The following PARN variants were observed in gnomAD, a reference collection of about 807,000 sequenced individuals.
PARN encodes the protein poly(A)-specific ribonuclease PARN.
A neutral mutation model predicts 102.8 loss-of-function variants in PARN; 71 were observed. The observed-to-expected ratio is 0.69, with a 90% CI of 0.57 to 0.84. The LOEUF (loss-of-function observed/expected upper bound fraction) is 0.84. PARN is among the 40% of genes least tolerant of loss of function. PARN has a pLI of 0.00. For missense variants in PARN, 782 were observed against 760.9 expected (o/e 1.03, Z -0.33); for synonymous variants, 261 against 252.9 (o/e 1.03, Z -0.30).
chr16:14,445,879 T>G (rs1446083946), intron 23 of PARN, among the ~76,000 whole-genome samples: 1 of 152,352 alleles, frequency 6.6e-6, no homozygotes, highest in East Asian at 1.9e-4. Flanking sequence ...AGCTTTCTTG[T>G]AGGACAGACT....
intron 18 of PARN, among the ~76,000 whole-genome samples, chr16:14,559,915 T>C (rs1967947865): frequency 6.6e-6 from 1 of 152,180 alleles, no homozygotes; most frequent in African/African-American, 2.4e-5. Context: ...AAACTGACTC[T>C]AAAACTGTGG....
chr16:14,593,402 A>G, intron 12 of PARN, 24 bp from the exon 13 acceptor site: 1 of 1,295,882 alleles, frequency 7.7e-7, no homozygotes, highest in Non-Finnish European at 1.1e-6. Flanking sequence ...AGGTTAGAAA[A>G]AAGACTTCTA....
intron 21 of PARN, among the ~76,000 whole-genome samples, chr16:14,495,264 A>T (rs1275073277): frequency 6.6e-6 from 1 of 152,070 alleles, no homozygotes; most frequent in Non-Finnish European, 1.5e-5. Flanking sequence ...AGGCGAGAGG[A>T]TCACTCGAGT....
At chr16:14,447,493 A>G (rs1057382672) in intron 22 of PARN, among the ~76,000 whole-genome samples, 1 of 152,250 alleles carries the variant, frequency 6.6e-6, no homozygotes, top group African/African-American at 2.4e-5. Context: ...CCTAATGCAT[A>G]AAGAGCAGAA....
chr16:14,613,903 T>C (rs1011650286), intron 6 of PARN, among the ~76,000 whole-genome samples: 3 of 151,882 alleles, frequency 2.0e-5, no homozygotes, highest in African/African-American at 7.3e-5. Context: ...ATTGCTGAAA[T>C]AGGTACCAGA....
At chr16:14,531,916 A>AAG (rs1555493471) in intron 21 of PARN, among the ~76,000 whole-genome samples, 32 of 148,000 alleles carry the variant, frequency 2.2e-4, no homozygotes, top group Non-Finnish European at 2.6e-4. Flanking sequence ...AAAAAAAAAA[A>AAG]GGCAGGCATG....
At chr16:14,569,236 A>G (rs1968634942) in intron 18 of PARN, among the ~76,000 whole-genome samples, 1 of 152,166 alleles carries the variant, frequency 6.6e-6, no homozygotes, top group Non-Finnish European at 1.5e-5. Context: ...TAAAAAAAAA[A>G]AAGAATTTAA....
At chr16:14,578,360 A>T (rs1403845995) in intron 18 of PARN, among the ~76,000 whole-genome samples, 8 of 149,862 alleles carry the variant, frequency 5.3e-5, no homozygotes, top group Non-Finnish European at 1.2e-4. Context: ...AAAGAGGAAT[A>T]AAAACAGTTC....
chr16:14,439,944 G>C (rs1178607597), intron 23 of PARN, among the ~76,000 whole-genome samples: 1 of 152,176 alleles, frequency 6.6e-6, no homozygotes, highest in Non-Finnish European at 1.5e-5. Flanking sequence ...GAACCCGAGA[G>C]GCGGAGGTTG....
At chr16:14,490,346 CT>C (rs1202164119) in intron 21 of PARN, among the ~76,000 whole-genome samples, 1 of 152,298 alleles carries the variant, frequency 6.6e-6, no homozygotes, top group East Asian at 1.9e-4. Context: ...CAACCAAAGC[CT>C]ACATTCTTTC....
chr16:14,613,507 C>T (rs1371635460), intron 6 of PARN, among the ~76,000 whole-genome samples: 3 of 152,024 alleles, frequency 2.0e-5, no homozygotes. Context: ...CCTATAGTCC[C>T]AGGTACTCAG....
At chr16:14,553,969 C>T in intron 20 of PARN, 96 bp downstream of exon 20, 1 of 729,816 alleles carries the variant, frequency 1.4e-6, no homozygotes, top group Non-Finnish European at 2.3e-6. Flanking sequence ...TATTAACATT[C>T]TTTTATACGC....
chr16:14,571,246 T>G (rs893310771), intron 18 of PARN, among the ~76,000 whole-genome samples: 4 of 150,032 alleles, frequency 2.7e-5, no homozygotes, highest in Admixed American at 2.0e-4. Flanking sequence ...TAGCTAGGAG[T>G]GGTGGCGGGC....
intron 5 of PARN, among the ~76,000 whole-genome samples, chr16:14,619,750 C>G (rs1567460653): frequency 6.6e-6 from 1 of 151,222 alleles, no homozygotes; most frequent in African/African-American, 2.4e-5. Context: ...GCGTGGGTGA[C>G]AGAACAAGTC....
At chr16:14,516,789 CT>C (rs2151645121) in intron 21 of PARN, among the ~76,000 whole-genome samples, 1 of 152,312 alleles carries the variant, frequency 6.6e-6, no homozygotes, top group East Asian at 1.9e-4. Context: ...TAAATGTACA[CT>C]TACCTGTAAA....
intron 21 of PARN, among the ~76,000 whole-genome samples, chr16:14,498,122 CAAA>C (rs34124932): frequency 4.5e-5 from 2 of 44,896 alleles, no homozygotes. Context: ...GACTCCATCT[CAAA>C]AAAAAAAAAA....
At chr16:14,526,099 T>A (rs527267354) in intron 21 of PARN, among the ~76,000 whole-genome samples, 4 of 151,774 alleles carry the variant, frequency 2.6e-5, no homozygotes, top group African/African-American at 9.7e-5. Context: ...ATTACAGGCA[T>A]GAGCCACCAC....
intron 11 of PARN, among the ~76,000 whole-genome samples, chr16:14,600,594 C>A (rs1384519751): frequency 6.6e-6 from 1 of 152,064 alleles, no homozygotes; most frequent in Non-Finnish European, 1.5e-5. Context: ...GTTCCCAGCC[C>A]TCTGGCTTCA....
chr16:14,562,369 G>A (rs1484705923), intron 18 of PARN, among the ~76,000 whole-genome samples: 6 of 150,088 alleles, frequency 4.0e-5, no homozygotes, highest in Admixed American at 2.0e-4. Context: ...AAGGCAGGAG[G>A]AGCCCCTGAG....
Sources: allele counts gnomAD v4.1 joint callset (sites outside exome capture counted in the v4.1 genomes callset), GRCh38; gene constraint gnomAD v4.1.1; transcripts MANE v1.5; gene names NCBI Gene and HGNC (gene_info 2026-07-23, HGNC 2026-07-21).